The following PCDHGB2 variants were observed in gnomAD, a reference collection of about 807,000 sequenced individuals.
The protein encoded by PCDHGB2 is protocadherin gamma subfamily B, 2.
PCDHGB2 carries 55 observed loss-of-function variants against 59.3 expected under a neutral mutation model. The observed-to-expected ratio is 0.93, with a 90% CI of 0.75 to 1.16. The LOEUF (loss-of-function observed/expected upper bound fraction) is 1.16. PCDHGB2 is among the 50% of genes most tolerant of loss of function. The probability of loss-of-function intolerance (pLI) is 0.00; values close to 1 mark genes in which losing one functional copy is unlikely to be tolerated. For synonymous variants in PCDHGB2, 516 were observed against 512.0 expected (o/e 1.01, Z -0.11); for missense variants, 1,228 against 1,198.5 (o/e 1.02, Z -0.36).
intron 1 of PCDHGB2, among the ~76,000 whole-genome samples, chr5:141,439,599 G>A (rs1319524199): frequency 6.6e-6 from 1 of 152,146 alleles, no homozygotes; most frequent in Non-Finnish European, 1.5e-5. Flanking sequence ...TGGCCAGTCT[G>A]GAAACAGAGA....
intron 1 of PCDHGB2, among the ~76,000 whole-genome samples, chr5:141,483,575 A>G (rs1165739266): frequency 6.6e-6 from 1 of 152,194 alleles, no homozygotes; most frequent in Non-Finnish European, 1.5e-5. Flanking sequence ...GAATTCTGGC[A>G]TAAACACCTA....
chr5:141,385,048 C>T (rs1015626472), intron 1 of PCDHGB2: 6 of 1,614,150 alleles, frequency 3.7e-6, no homozygotes, highest in Non-Finnish European at 3.4e-6. Flanking sequence ...GCTCAGGCTG[C>T]GGCGCTGGCA....
intron 1 of PCDHGB2, chr5:141,398,834 A>T: frequency 6.2e-7 from 1 of 1,614,014 alleles, no homozygotes; most frequent in Non-Finnish European, 8.5e-7. Context: ...ACCGACGCCA[A>T]TGATAATCCC....
At chr5:141,460,951 G>GTATATATATA (rs200454978) in intron 1 of PCDHGB2, among the ~76,000 whole-genome samples, 1 of 139,722 alleles carries the variant, frequency 7.2e-6, no homozygotes, top group African/African-American at 2.8e-5. Context: ...TATGTATTAT[G>GTATATATATA]TATATATATA....
chr5:141,423,233 TC>T, intron 1 of PCDHGB2: 1 of 1,613,860 alleles, frequency 6.2e-7, no homozygotes, highest in Non-Finnish European at 8.5e-7. Flanking sequence ...GCCGACAGCA[TC>T]CCCGAAGTCC....
chr5:141,482,767 A>AGCTAGTACTATAATTATTTTTATTAGTTC (rs1370824281), intron 1 of PCDHGB2, among the ~76,000 whole-genome samples: 2 of 150,588 alleles, frequency 1.3e-5, no homozygotes, highest in African/African-American at 2.5e-5. Context: ...TTTCATTATC[A>AGCTAGTACTATAATTATTTTTATTAGTTC]CTGAACCTTA....
intron 1 of PCDHGB2, among the ~76,000 whole-genome samples, chr5:141,463,479 C>T (rs1162346496): frequency 4.1e-5 from 5 of 120,544 alleles, no homozygotes; most frequent in Non-Finnish European, 8.1e-5. Flanking sequence ...GATGGAGTCT[C>T]GCTCTGTCAC....
chr5:141,390,509 A>G, intron 1 of PCDHGB2: 1 of 590,022 alleles, frequency 1.7e-6, no homozygotes, highest in Non-Finnish European at 2.9e-6. Flanking sequence ...GCTTAGATTT[A>G]TAAAGCAATG....
In PCDHGB2 at chr5:141,487,258, G is replaced by T. The variant is rs368598017; in HGVS notation, c.2422-7549G>T. On this transcript the variant is annotated intron_variant, in intron 1 of 3. Transcript: ENST00000522605. The surrounding 1 kb of genome is among the most constrained non-coding windows in gnomAD (Gnocchi z 5.0). ...CTCGTCTAACCCTCTACTTGGCTGT[G>T]TCCCTAGTGGCAATTTGCTTTGTCT... 1.5e-4 allele frequency: 240 copies of T among 1,614,026 alleles called. 1 individual carries two copies. The highest frequency in any genetic ancestry group is 3.3e-5 in the Admixed American group (2 of 60,004).
At chr5:141,473,682 G>A (rs2099326903) in intron 1 of PCDHGB2, among the ~76,000 whole-genome samples, 1 of 152,186 alleles carries the variant, frequency 6.6e-6, no homozygotes, top group Admixed American at 6.5e-5. Context: ...GGGAAGGGCT[G>A]GGGTTCTGAC....
In PCDHGB2 at chr5:141,417,676, C is replaced by G. The variant is rs902104404; in HGVS notation, c.2421+55120C>G. The G allele has an allele frequency of 1.7e-5, 17 of 993,450 alleles. No individual in the cohort carries two copies. The African/African-American group carries it at 2.8e-4, about 16-fold the overall frequency. The allele number at this position is 993,450 out of a possible 1,614,324, so 61.5% of individuals were successfully genotyped here. ...AGCCTGGGATTCCCTGCGCAGCCAACAACAGAAAAGAAAACCAGCTCCCAC... is the reference window on the plus strand; with the variant it reads ...AGCCTGGGATTCCCTGCGCAGCCAAGAACAGAAAAGAAAACCAGCTCCCAC... On this transcript the variant is annotated intron_variant, in intron 1 of 3. Transcript: ENST00000522605.
chr5:141,481,970 A>G (rs2099549884), intron 1 of PCDHGB2, among the ~76,000 whole-genome samples: 1 of 151,510 alleles, frequency 6.6e-6, no homozygotes, highest in Non-Finnish European at 1.5e-5. Flanking sequence ...CTGTAGTCAC[A>G]GCTACTTGGG....
At position 141,476,764 on chromosome 5, in the gene PCDHGB2, G is replaced by A. The variant is rs570982273; in HGVS notation, c.2422-18043G>A. 1.2e-6 allele frequency: 2 copies of A among 1,613,794 alleles called. No homozygotes were observed. Reference sequence around the variant, plus strand: ...CTAGTCTCCAGTTAGTGCTGACGGCGTTGGACGGAGGGACCCCAGCTCTCT... The same window carrying A: ...CTAGTCTCCAGTTAGTGCTGACGGCATTGGACGGAGGGACCCCAGCTCTCT... On this transcript the variant is annotated intron_variant, in intron 1 of 3. Coordinates refer to ENST00000522605, the MANE Select transcript of PCDHGB2 (RefSeq NM_018923.3). The surrounding 1 kb of genome is among the most constrained non-coding windows in gnomAD (Gnocchi z 7.6).
chr5:141,372,396 T>C (rs1039579304), intron 1 of PCDHGB2: 1 of 1,614,052 alleles, frequency 6.2e-7, no homozygotes, highest in Non-Finnish European at 8.5e-7. Context: ...CGCAGATAGC[T>C]TGCAAGAGAT....
intron 1 of PCDHGB2, chr5:141,419,308 C>G: frequency 6.2e-7 from 1 of 1,614,026 alleles, no homozygotes; most frequent in Non-Finnish European, 8.5e-7. Flanking sequence ...ACTTCGGGCT[C>G]AACGGCCGTG....
At position 141,360,213 on chromosome 5, in the gene PCDHGB2, C is replaced by CG. The variant is rs1458385233; in HGVS notation, c.82dup (p.Ala28GlyfsTer42). ...TGCCCTTCCTGTTGTCTTTGTTCCC[C>CG]GGGGCTCTCCCAGTCCAGATCCGCT... On this transcript the variant is annotated frameshift_variant, in exon 1 of 4. Transcript: ENST00000522605. LOFTEE classifies it high-confidence loss of function. 6.2e-6 allele frequency: 10 copies of CG among 1,613,128 alleles called. No individual in the cohort carries two copies. The highest frequency in any genetic ancestry group is 1.7e-4 in the Middle Eastern group (1 of 6,060).
intron 1 of PCDHGB2, chr5:141,417,926 C>T (rs779409064): frequency 6.2e-7 from 1 of 1,610,108 alleles, no homozygotes; most frequent in East Asian, 2.2e-5. Context: ...TTTGCTGCTG[C>T]CTTTGTTCTA....
chr5:141,469,370 A>T (rs1453825795), intron 1 of PCDHGB2, among the ~76,000 whole-genome samples: 1 of 152,106 alleles, frequency 6.6e-6, no homozygotes, highest in Non-Finnish European at 1.5e-5. Flanking sequence ...AGGTAAAGAG[A>T]TCGAGACCAT....
intron 1 of PCDHGB2, chr5:141,403,462 C>A: frequency 6.2e-7 from 1 of 1,614,050 alleles, no homozygotes; most frequent in South Asian, 1.1e-5. Flanking sequence ...TCCAGAGCTA[C>A]CAGCTCAGCC....
Sources: gnomAD v4.1 joint callset for allele counts (sites outside exome capture counted in the v4.1 genomes callset) on GRCh38, gnomAD v4.1.1 for gene constraint, Gnocchi (gnomAD v3.1) non-coding constraint, MANE v1.5 for transcripts, NCBI Gene and HGNC (gene_info 2026-07-23, HGNC 2026-07-21) for gene names.